RCOR1: variants seen among roughly 807,000 people sequenced by gnomAD.
The protein encoded by RCOR1 is REST corepressor 1, also known as REST corepressor.
RCOR1 carries 12 observed loss-of-function variants against 64.0 expected under a neutral mutation model. That is an observed-to-expected ratio of 0.19 (90% CI 0.12 to 0.30). The LOEUF (loss-of-function observed/expected upper bound fraction) is 0.30. Ranked by LOEUF, RCOR1 falls within the 10% of genes least tolerant of loss-of-function variation. The probability of loss-of-function intolerance (pLI) is 1.00; values close to 1 mark genes in which losing one functional copy is unlikely to be tolerated. For synonymous variants in RCOR1, 279 were observed against 227.2 expected (o/e 1.23, Z -2.05); for missense variants, 502 against 621.2 (o/e 0.81, Z 2.04).
chr14:102,609,277 A>G (rs1285315640), intron 2 of RCOR1, among the ~76,000 whole-genome samples: 1 of 151,842 alleles, frequency 6.6e-6, no homozygotes, highest in African/African-American at 2.4e-5. Flanking sequence ...TCCCGACCTC[A>G]GGTGATCCGC....
chr14:102,656,003 T>C lies in RCOR1; in HGVS notation c.362-25892T>C, dbSNP rs902123407. 5.1e-6 allele frequency: 5 copies of C among 980,606 alleles called. No individual in the cohort carries two copies. The African/African-American group carries it at 8.8e-5, about 17-fold the overall frequency. The allele number at this position is 980,606 out of a possible 1,614,324, so 60.7% of individuals were successfully genotyped here. A position where few individuals can be genotyped will look rare whatever the true frequency, so the allele number is the denominator to read the frequency against. On this transcript the variant is annotated intron_variant, in intron 2 of 11. Coordinates refer to ENST00000262241, the MANE Select transcript of RCOR1 (RefSeq NM_015156.4). Reference sequence around the variant, plus strand: ...CACACACACACGTGAAATAAACCTATGAACCAACTAATGCAGTGGATTCCA... The same window carrying C: ...CACACACACACGTGAAATAAACCTACGAACCAACTAATGCAGTGGATTCCA...
In RCOR1 at chr14:102,722,555, C is replaced by G. The variant is rs139088966; in HGVS notation, c.1419+139C>G. On this transcript the variant is annotated intron_variant, in intron 11 of 11. Transcript: ENST00000262241. ...TAACTTCACTCTTACCTGTAAATAG[C>G]CGGAATGTGTATGCATTGACTCCAG... 3.4e-3 allele frequency: 2,223 copies of G among 656,524 alleles called. 24 individuals carry two copies. Among genetic ancestry groups the G allele is most frequent in the Middle Eastern group, 0.02 (79 of 3,926 alleles). The allele number at this position is 656,524 out of a possible 1,614,324, so 40.7% of individuals were successfully genotyped here.
At chr14:102,674,792 A>C (rs1895104930) in intron 2 of RCOR1, among the ~76,000 whole-genome samples, 1 of 152,124 alleles carries the variant, frequency 6.6e-6, no homozygotes. Context: ...AATCGACTTT[A>C]GGCCGGGCAC....
intron 2 of RCOR1, among the ~76,000 whole-genome samples, chr14:102,602,527 C>T (rs77201924): frequency 2.0e-5 from 3 of 151,768 alleles, no homozygotes; most frequent in Admixed American, 2.0e-4. Flanking sequence ...CCTCAGCCTC[C>T]CGTGTAGCTA....
At position 102,728,501 on chromosome 14, in the gene RCOR1, C is replaced by G. The variant is rs566604444; in HGVS notation, c.*1995C>G. ...CTGAAGCTTTAGGTTCTCCGTGCTT[C>G]CCTCAAGACCTCCTTCTTGCTAACA... On this transcript the variant is annotated 3_prime_UTR_variant, in exon 12 of 12. Coordinates refer to ENST00000262241, the MANE Select transcript of RCOR1 (RefSeq NM_015156.4). 6.6e-6 allele frequency: 1 copy of G among 152,290 alleles called. No individual in the cohort carries two copies. Among genetic ancestry groups the G allele is most frequent in the Admixed American group, 6.5e-5 (1 of 15,290 alleles). The allele number at this position is 152,290 out of a possible 1,614,324, so 9.4% of individuals were successfully genotyped here. A position where few individuals can be genotyped will look rare whatever the true frequency, so the allele number is the denominator to read the frequency against.
chr14:102,592,788 C>T lies in RCOR1; in HGVS notation c.-99C>T. ...GCCCGTGGGCTCCCGCCGCGCCCGC[C>T]CGGCCCCGCGCCGGCCCCGCGCCCC... On this transcript the variant is annotated 5_prime_UTR_variant, in exon 1 of 12. Transcript: ENST00000262241. 2 of 1,191,606 alleles carry T rather than the reference C, an allele frequency of 1.7e-6. No homozygotes were observed. Among genetic ancestry groups the T allele is most frequent in the Non-Finnish European group, 1.0e-6 (1 of 961,898 alleles). 73.8% of individuals were successfully genotyped at this position (1,191,606 alleles called of 1,614,324 possible).
intron 4 of RCOR1, among the ~76,000 whole-genome samples, chr14:102,706,856 A>T (rs1008014438): frequency 9.2e-5 from 14 of 151,624 alleles, no homozygotes; most frequent in African/African-American, 2.4e-4. Context: ...TAAATTTTTT[A>T]AAATTTATTT....
intron 2 of RCOR1, among the ~76,000 whole-genome samples, chr14:102,639,529 A>G (rs1402742519): frequency 6.8e-5 from 10 of 146,746 alleles, no homozygotes; most frequent in Middle Eastern, 7.1e-3. Context: ...TTATTTATTT[A>G]TTTATTTATT....
rs988087427 is a variant in RCOR1, at chr14:102,633,590, A to G, written c.361+40265A>G. Among the ~76,000 whole-genome samples the G allele has an allele frequency of 3.3e-5, 5 of 152,210 alleles. No homozygotes were observed. In the South Asian group the frequency reaches 1.0e-3, roughly 32 times the overall value. Reference sequence around the variant, plus strand: ...AGTTTTGCTCTGTCACCCAGGCTAGACTACAATGGCATGATCTCAGCTTAC... The same window carrying G: ...AGTTTTGCTCTGTCACCCAGGCTAGGCTACAATGGCATGATCTCAGCTTAC... On this transcript the variant is annotated intron_variant, in intron 2 of 11. Transcript: ENST00000262241.
chr14:102,639,495 A>T (rs369039634), intron 2 of RCOR1, among the ~76,000 whole-genome samples: 1 of 134,538 alleles, frequency 7.4e-6, no homozygotes, highest in African/African-American at 2.7e-5. Flanking sequence ...TTATTTTTTA[A>T]TTTTTATTTA....
At chr14:102,638,373 T>C (rs1182283163) in intron 2 of RCOR1, among the ~76,000 whole-genome samples, 1 of 152,196 alleles carries the variant, frequency 6.6e-6, no homozygotes, top group East Asian at 1.9e-4. Context: ...GTTGTCTTCT[T>C]TTCTTTCTTT....
intron 2 of RCOR1, among the ~76,000 whole-genome samples, chr14:102,632,674 CTTTCCT>C (rs1555462967): frequency 0.067 from 3,015 of 44,938 alleles, 136 homozygotes; most frequent in Middle Eastern, 0.091. Context: ...CTTTCCTTTC[CTTTCCT>C]TTTCCTTTTC....
intron 2 of RCOR1, among the ~76,000 whole-genome samples, chr14:102,632,574 A>C (rs961670551): frequency 4.0e-5 from 6 of 150,326 alleles, no homozygotes; most frequent in African/African-American, 1.2e-4. Flanking sequence ...TCCCCCCTGC[A>C]AGGGGAATTT....
intron 2 of RCOR1, among the ~76,000 whole-genome samples, chr14:102,651,509 C>T (rs1197813197): frequency 6.6e-6 from 1 of 150,640 alleles, no homozygotes; most frequent in South Asian, 2.1e-4. Flanking sequence ...GCCGAGATTG[C>T]GCCACTGCAC....
chr14:102,631,733 T>A (rs960920278), intron 2 of RCOR1, among the ~76,000 whole-genome samples: 1 of 152,184 alleles, frequency 6.6e-6, no homozygotes, highest in African/African-American at 2.4e-5. Flanking sequence ...TGTTTTAAAT[T>A]GAATATAGCT....
At chr14:102,603,766 G>A (rs1257516983) in intron 2 of RCOR1, among the ~76,000 whole-genome samples, 1 of 151,974 alleles carries the variant, frequency 6.6e-6, no homozygotes, top group Non-Finnish European at 1.5e-5. Flanking sequence ...GACTACAGGA[G>A]TGTGCCACCA....
At chr14:102,617,526 C>G (rs934911086) in intron 2 of RCOR1, among the ~76,000 whole-genome samples, 1 of 151,262 alleles carries the variant, frequency 6.6e-6, no homozygotes, top group Non-Finnish European at 1.5e-5. Flanking sequence ...TTGCAGTACA[C>G]TGATCTTTGC....
chr14:102,595,572 T>C (rs548592328), intron 2 of RCOR1, among the ~76,000 whole-genome samples: 12 of 152,006 alleles, frequency 7.9e-5, no homozygotes, highest in African/African-American at 2.9e-4. Context: ...TATTAAAATT[T>C]CCAAATTTCT....
intron 2 of RCOR1, among the ~76,000 whole-genome samples, chr14:102,673,782 ATGT>A (rs372361887): frequency 6.6e-6 from 1 of 151,724 alleles, no homozygotes; most frequent in African/African-American, 2.4e-5. Flanking sequence ...TGCCTGGCTA[ATGT>A]TGTGTTTTTA....
Sources: gnomAD v4.1 joint callset for allele counts (sites outside exome capture counted in the v4.1 genomes callset) on GRCh38, gnomAD v4.1.1 for gene constraint, MANE v1.5 for transcripts, NCBI Gene and HGNC (gene_info 2026-07-23, HGNC 2026-07-21) for gene names.